EPHA6: variants seen among roughly 807,000 people sequenced by gnomAD.
EPHA6 encodes the protein EPH receptor A6, also known as ephrin type-A receptor 6.
Under a neutral mutation model 112.0 loss-of-function variants are expected in EPHA6, and 50 were observed. The observed-to-expected ratio is 0.45, with a 90% CI of 0.36 to 0.56. The LOEUF (loss-of-function observed/expected upper bound fraction) is 0.56. Among genes scored for constraint, EPHA6 ranks in the 20% least tolerant of loss-of-function variants. The probability of loss-of-function intolerance (pLI) is 0.00; values close to 1 mark genes in which losing one functional copy is unlikely to be tolerated. For synonymous variants in EPHA6, 529 were observed against 490.7 expected, an observed-to-expected ratio of 1.08 and a Z score of -1.03; for missense variants, 1,280 against 1,417.4, an observed-to-expected ratio of 0.90 and a Z score of 1.56.
intron 6 of EPHA6, among the ~76,000 whole-genome samples, chr3:97,422,655 CT>C (rs1379256399): frequency 2.4e-4 from 37 of 152,252 alleles, no homozygotes; most frequent in African/African-American, 8.4e-4. Flanking sequence ...AGCACATACT[CT>C]AAAATCAACC....
chr3:96,939,747 T>A (rs2040826897), intron 2 of EPHA6, among the ~76,000 whole-genome samples: 1 of 152,236 alleles, frequency 6.6e-6, no homozygotes, highest in African/African-American at 2.4e-5. Context: ...TTTAGTGCTA[T>A]AAATTTCCCT....
At chr3:97,711,938 GAAAGC>G (rs1208176795) in intron 14 of EPHA6, among the ~76,000 whole-genome samples, 1 of 152,080 alleles carries the variant, frequency 6.6e-6, no homozygotes, top group Non-Finnish European at 1.5e-5. Context: ...AACCTGATAA[GAAAGC>G]AAAGTACCCA....
intron 10 of EPHA6, among the ~76,000 whole-genome samples, chr3:97,522,364 A>G (rs1458523125): frequency 3.3e-5 from 5 of 152,280 alleles, no homozygotes; most frequent in Admixed American, 1.3e-4. Context: ...TGGTTTTGGT[A>G]AGTTGAACCA....
chr3:97,552,471 T>C (rs972093685), intron 11 of EPHA6, among the ~76,000 whole-genome samples: 15 of 152,150 alleles, frequency 9.9e-5, no homozygotes, highest in Admixed American at 9.2e-4. Context: ...TTGAATCCCA[T>C]CAATGACTTA....
chr3:96,839,710 G>T (rs1325359037), intron 1 of EPHA6, among the ~76,000 whole-genome samples: 1 of 151,998 alleles, frequency 6.6e-6, no homozygotes, highest in African/African-American at 2.4e-5. Flanking sequence ...GATAGACTAG[G>T]AATGTGAAAA....
At chr3:96,919,641 A>AT (rs2039661188) in intron 2 of EPHA6, among the ~76,000 whole-genome samples, 1 of 151,906 alleles carries the variant, frequency 6.6e-6, no homozygotes, top group South Asian at 2.1e-4. Flanking sequence ...ATCGGATACT[A>AT]TTTAAAGTTT....
At chr3:97,384,133 A>G (rs1045962835) in intron 5 of EPHA6, among the ~76,000 whole-genome samples, 2 of 152,200 alleles carry the variant, frequency 1.3e-5, no homozygotes, top group Non-Finnish European at 2.9e-5. Flanking sequence ...ATGTTTATTC[A>G]ATGTTGTCTT....
chr3:96,992,034 A>T (rs1279871238), intron 3 of EPHA6, among the ~76,000 whole-genome samples: 1 of 152,036 alleles, frequency 6.6e-6, no homozygotes, highest in Non-Finnish European at 1.5e-5. Flanking sequence ...CTTTCTTACT[A>T]GTATCTTGCC....
At chr3:97,056,203 C>T (rs1418721523) in intron 3 of EPHA6, among the ~76,000 whole-genome samples, 5 of 152,098 alleles carry the variant, frequency 3.3e-5, no homozygotes, top group Non-Finnish European at 7.4e-5. Context: ...CGCAAACCTA[C>T]CTTACGTCTA....
In EPHA6 at chr3:97,397,301, A is replaced by T. The variant is rs370518490; in HGVS notation, c.1607-7849A>T. 3.0e-4 allele frequency among the ~76,000 whole-genome samples: 46 copies of T among 151,600 alleles called. 1 individual carries two copies. The highest frequency in any genetic ancestry group is 1.3e-4 in the Non-Finnish European group (9 of 67,700). On this transcript the variant is annotated intron_variant, in intron 5 of 17. Transcript: ENST00000389672. Reference sequence around the variant, plus strand: ...GTGTCCTAAAATCAGTTTTTCTCATATGGAAAATAAATGTATATGCTATAT... The same window carrying T: ...GTGTCCTAAAATCAGTTTTTCTCATTTGGAAAATAAATGTATATGCTATAT...
At chr3:96,989,128 G>T (rs1295121934) in intron 3 of EPHA6, among the ~76,000 whole-genome samples, 1 of 152,030 alleles carries the variant, frequency 6.6e-6, no homozygotes. Context: ...CTTTGTTGAT[G>T]TTATATTCAC....
chr3:97,452,158 G>T (rs2107337394), intron 7 of EPHA6, among the ~76,000 whole-genome samples: 1 of 151,922 alleles, frequency 6.6e-6, no homozygotes, highest in South Asian at 2.1e-4. Flanking sequence ...CGACCCTCTT[G>T]CACTTAGAGA....
intron 16 of EPHA6, among the ~76,000 whole-genome samples, chr3:97,743,252 G>A (rs2035582518): frequency 6.6e-6 from 1 of 152,004 alleles, no homozygotes; most frequent in South Asian, 2.1e-4. Flanking sequence ...GGACCAAACT[G>A]TTCTGTAGAT....
intron 4 of EPHA6, among the ~76,000 whole-genome samples, chr3:97,239,968 A>G (rs1435986715): frequency 5.3e-5 from 8 of 151,820 alleles, no homozygotes; most frequent in African/African-American, 1.7e-4. Flanking sequence ...TTCTACCACT[A>G]ATGGACTGCA....
At position 97,760,144 on chromosome 3, in the gene EPHA6, T is replaced by C. The variant is rs1483465474; in HGVS notation, c.*11443T>C. The C allele has an allele frequency of 1.1e-5, 2 of 180,462 alleles. No homozygotes were observed. The highest frequency in any genetic ancestry group is 4.7e-5 in the African/African-American group (2 of 42,388). The allele number at this position is 180,462 out of a possible 1,614,324, so 11.2% of individuals were successfully genotyped here. ...GATTTGGGAGGGTATTGAGGTCCCATGTAAATTTTAAAATAAAAGACAAAC... is the reference window on the plus strand; with the variant it reads ...GATTTGGGAGGGTATTGAGGTCCCACGTAAATTTTAAAATAAAAGACAAAC... On this transcript the variant is annotated 3_prime_UTR_variant, in exon 18 of 18. Coordinates refer to ENST00000389672, the MANE Select transcript of EPHA6 (RefSeq NM_001080448.3).
intron 2 of EPHA6, among the ~76,000 whole-genome samples, chr3:96,970,100 G>T (rs529830408): frequency 6.6e-6 from 1 of 151,950 alleles, no homozygotes; most frequent in South Asian, 2.1e-4. Context: ...TCTGTAAATA[G>T]TCTCTTTTTA....
chr3:97,530,964 G>T (rs954545791), intron 10 of EPHA6, among the ~76,000 whole-genome samples: 1 of 151,972 alleles, frequency 6.6e-6, no homozygotes, highest in African/African-American at 2.4e-5. Context: ...AATCTAATTC[G>T]ATATTCTATG....
At chr3:97,079,606 T>TAAAAAAAAAAAAAAAAAAAAAAA in intron 3 of EPHA6, among the ~76,000 whole-genome samples, 1 of 113,268 alleles carries the variant, frequency 8.8e-6, no homozygotes, top group Non-Finnish European at 2.1e-5. Flanking sequence ...AAATTAAAAG[T>TAAAAAAAAAAAAAAAAAAAAAAA]AAAAAAAAAA....
chr3:96,876,973 A>G (rs2036997719), intron 2 of EPHA6, among the ~76,000 whole-genome samples: 1 of 151,898 alleles, frequency 6.6e-6, no homozygotes, highest in Non-Finnish European at 1.5e-5. Flanking sequence ...CAGATTGTAA[A>G]CTCTTGCAGT....
Sources: allele counts gnomAD v4.1 joint callset (sites outside exome capture counted in the v4.1 genomes callset), GRCh38; gene constraint gnomAD v4.1.1; transcripts MANE v1.5; gene names NCBI Gene and HGNC (gene_info 2026-07-23, HGNC 2026-07-21).